Variants in ATP11A observed in about 807,000 individuals in gnomAD.
The protein encoded by ATP11A is phospholipid-transporting ATPase IH.
A neutral mutation model predicts 154.4 loss-of-function variants in ATP11A; 81 were observed. The observed-to-expected ratio is 0.52, with a 90% CI of 0.44 to 0.63. The LOEUF (loss-of-function observed/expected upper bound fraction) is 0.63, where lower values mean the gene tolerates loss of function less well. ATP11A is among the 30% of genes least tolerant of loss of function. The probability of loss-of-function intolerance (pLI) is 0.00; values close to 1 mark genes in which losing one functional copy is unlikely to be tolerated. For synonymous variants in ATP11A, 623 were observed against 585.9 expected (o/e 1.06, Z -0.91); for missense variants, 1,316 against 1,474.3 (o/e 0.89, Z 1.76).
intron 1 of ATP11A, among the ~76,000 whole-genome samples, chr13:112,715,464 AT>A (rs2139596308): frequency 1.7e-5 from 1 of 60,282 alleles, no homozygotes; most frequent in African/African-American, 6.3e-5. Context: ...CACCTGGCCC[AT>A]CCCCCACACC....
intron 6 of ATP11A, among the ~76,000 whole-genome samples, chr13:112,817,194 A>T (rs936188320): frequency 1.3e-5 from 2 of 152,230 alleles, no homozygotes; most frequent in African/African-American, 4.8e-5. Context: ...AGCTCAGTGG[A>T]TTCAACTAAG....
At chr13:112,870,672 C>T (rs953880191) in intron 25 of ATP11A, among the ~76,000 whole-genome samples, 11 of 152,074 alleles carry the variant, frequency 7.2e-5, no homozygotes, top group Non-Finnish European at 1.2e-4. Flanking sequence ...CCACCACACC[C>T]GGCCCGCTTT....
intron 17 of ATP11A, among the ~76,000 whole-genome samples, chr13:112,843,294 G>A (rs1201860942): frequency 1.3e-5 from 2 of 151,792 alleles, no homozygotes; most frequent in African/African-American, 4.8e-5. Flanking sequence ...GGGTGGGCGC[G>A]TTCCCTCCCA....
At chr13:112,814,416 T>A (rs1172302535) in intron 5 of ATP11A, among the ~76,000 whole-genome samples, 1 of 152,168 alleles carries the variant, frequency 6.6e-6, no homozygotes. Context: ...AATGAAGCAT[T>A]CTTTGCCTGG....
chr13:112,833,044 C>G (rs1405923034), intron 14 of ATP11A, 21 bp downstream of exon 14: 1 of 1,600,798 alleles, frequency 6.2e-7, no homozygotes, highest in Admixed American at 1.7e-5. Context: ...GGCCAAGGGT[C>G]TGCCTGGGTT....
At chr13:112,726,891 C>T (rs1889944413) in intron 1 of ATP11A, among the ~76,000 whole-genome samples, 1 of 152,192 alleles carries the variant, frequency 6.6e-6, no homozygotes. Flanking sequence ...AGACATCTTC[C>T]TTGGGACATG....
At position 112,746,361 on chromosome 13, in the gene ATP11A, C is replaced by T. The variant is rs1300744778; in HGVS notation, c.40-38774C>T. 6.6e-6 allele frequency: 1 copy of T among 151,974 alleles called. No homozygotes were observed. Among genetic ancestry groups the T allele is most frequent in the African/African-American group, 2.4e-5 (1 of 41,348 alleles). The allele number at this position is 151,974 out of a possible 1,614,324, so 9.4% of individuals were successfully genotyped here. ...GGGTAACTGGGGTTCCGGCTCCCCACGTCCTCCCCGGGTAACTGGGGTTCC... is the reference window on the plus strand; with the variant it reads ...GGGTAACTGGGGTTCCGGCTCCCCATGTCCTCCCCGGGTAACTGGGGTTCC... On this transcript the variant is annotated intron_variant, in intron 1 of 29. Transcript: ENST00000375645. The surrounding 1 kb of genome is among the most constrained non-coding windows in gnomAD (Gnocchi z 4.1).
intron 1 of ATP11A, among the ~76,000 whole-genome samples, chr13:112,726,949 T>C (rs939551065): frequency 3.9e-5 from 6 of 152,220 alleles, no homozygotes; most frequent in South Asian, 2.1e-4. Flanking sequence ...TGCAAATTTT[T>C]TTTCTCATAT....
intron 1 of ATP11A, among the ~76,000 whole-genome samples, chr13:112,781,803 A>AAAAAAAAAAAT (rs2077507497): frequency 6.6e-6 from 1 of 150,504 alleles, no homozygotes. Flanking sequence ...AAAAAAAAAA[A>AAAAAAAAAAAT]GAATTTGAAC....
rs543668035 is a variant in ATP11A at position 112,762,948 on chromosome 13, T to G, written c.40-22187T>G. Among the ~76,000 whole-genome samples the G allele has an allele frequency of 6.6e-5, 10 of 152,342 alleles. No individual in the cohort carries two copies. In the South Asian group the frequency reaches 2.1e-3, roughly 32 times the overall value. On this transcript the variant is annotated intron_variant, in intron 1 of 29. Coordinates refer to ENST00000375645, the MANE Select transcript of ATP11A (RefSeq NM_015205.3). ...CAGTGACCCATCCTTTTCTGGTAAC[T>G]TCTTAGGGGCAAAGAATAAAACCAT... is the stretch of plus-strand genomic sequence containing the variant.
rs111602736 is a variant in ATP11A at position 112,866,127 on chromosome 13, G to T, written c.2991+3552G>T. On this transcript the variant is annotated intron_variant, in intron 25 of 29. Coordinates refer to ENST00000375645, the MANE Select transcript of ATP11A (RefSeq NM_015205.3). ...TCTTGCTTTTTTCTTTTTGCCACTG[G>T]CGTCCCTTCCCACCCTCAGATAATG... Among the ~76,000 whole-genome samples the T allele has an allele frequency of 1.7e-3, 254 of 152,246 alleles. 3 individuals are homozygous for T. Among genetic ancestry groups the T allele is most frequent in the African/African-American group, 5.9e-3 (245 of 41,542 alleles).
chr13:112,699,443 G>A (rs1048933239), intron 1 of ATP11A, among the ~76,000 whole-genome samples: 50 of 152,122 alleles, frequency 3.3e-4, no homozygotes, highest in African/African-American at 1.1e-3. Flanking sequence ...CCTGGGAGGT[G>A]GTATTATGTC....
intron 1 of ATP11A, among the ~76,000 whole-genome samples, chr13:112,767,671 C>T (rs2077128314): frequency 1.3e-5 from 2 of 152,234 alleles, no homozygotes; most frequent in South Asian, 2.1e-4. Context: ...AGAGGACATT[C>T]TTCTGATACC....
chr13:112,854,752 A>G (rs894667754), intron 19 of ATP11A, among the ~76,000 whole-genome samples: 12 of 152,244 alleles, frequency 7.9e-5, no homozygotes, highest in Non-Finnish European at 1.2e-4. Flanking sequence ...ATGTGTGTGT[A>G]TGTGTGTATG....
chr13:112,728,716 A>AC (rs1368746373), intron 1 of ATP11A, among the ~76,000 whole-genome samples: 2 of 152,158 alleles, frequency 1.3e-5, no homozygotes, highest in African/African-American at 4.8e-5. Context: ...ACCTGCATGT[A>AC]CCGCCTTATT....
At chr13:112,799,396 GAA>G (rs2078076610) in intron 2 of ATP11A, among the ~76,000 whole-genome samples, 1 of 152,212 alleles carries the variant, frequency 6.6e-6, no homozygotes, top group South Asian at 2.1e-4. Flanking sequence ...CTGAGTCCGA[GAA>G]AGGAGTCAGC....
chr13:112,752,577 G>A (rs766219420), intron 1 of ATP11A, among the ~76,000 whole-genome samples: 4 of 152,184 alleles, frequency 2.6e-5, no homozygotes, highest in African/African-American at 7.2e-5. Flanking sequence ...ATACGCGTCC[G>A]TCTGACGGGT....
Position 112,854,345 on chromosome 13 carries a change from C to T in ATP11A, c.2058C>T (p.Leu686=). ...AGGCCGGGATCAAAGTCTGGGTTCT[C>T]ACGGGAGACAAGATGGAGACGGCCG... ...LQKAGIKVWV[L]TGDKMETAAA... The change falls in exon 19 of 30, where the codon CTC becomes CTT. Residue 686 remains leucine, a synonymous_variant. Transcript: ENST00000375645. 6.2e-7 allele frequency: 1 copy of T among 1,614,132 alleles called. No individual in the cohort carries two copies. The highest frequency in any genetic ancestry group is 1.7e-5 in the Admixed American group (1 of 60,026).
At chr13:112,703,455 C>T (rs897566523) in intron 1 of ATP11A, 4 of 152,178 alleles carry the variant, frequency 2.6e-5, no homozygotes, top group East Asian at 1.9e-4. Flanking sequence ...TCCTGGTGAC[C>T]GAGGCACTAT....
Sources: allele counts gnomAD v4.1 joint callset (sites outside exome capture counted in the v4.1 genomes callset), GRCh38; gene constraint gnomAD v4.1.1; non-coding constraint Gnocchi (gnomAD v3.1); transcripts MANE v1.5; gene names NCBI Gene and HGNC (gene_info 2026-07-23, HGNC 2026-07-21).